SHE: variants seen among roughly 807,000 people sequenced by gnomAD.
The protein encoded by SHE is Src homology 2 domain containing E.
In SHE, 11 loss-of-function variants were observed where a neutral mutation model predicts 49.8. That is an observed-to-expected ratio of 0.22 (90% CI 0.14 to 0.37). The LOEUF is 0.37. SHE is among the 10% of genes least tolerant of loss of function. The probability of loss-of-function intolerance (pLI) is 1.00; values close to 1 mark genes in which losing one functional copy is unlikely to be tolerated. For missense variants in SHE, 624 were observed against 655.5 expected (o/e 0.95, Z 0.52); for synonymous variants, 310 against 278.1 (o/e 1.11, Z -1.14).
At chr1:154,470,370 G>T in intron 1 of SHE, 2 of 1,289,210 alleles carry the variant, frequency 1.6e-6, no homozygotes, top group Non-Finnish European at 2.0e-6. Flanking sequence ...TTTCTGTAGA[G>T]GATGGCAAGG....
downstream of SHE, among the ~76,000 whole-genome samples, chr1:154,476,124 T>C (rs956966756): frequency 2.6e-5 from 4 of 152,290 alleles, no homozygotes; most frequent in African/African-American, 7.2e-5. Flanking sequence ...GTCAGGATGA[T>C]TGCTTCAGCC....
chr1:154,475,320 G>A (rs1158083338), downstream of SHE, among the ~76,000 whole-genome samples: 19 of 152,218 alleles, frequency 1.2e-4, no homozygotes, highest in Non-Finnish European at 2.8e-4. Flanking sequence ...CTGAGTAGCT[G>A]GGATTACAGG....
chr1:154,487,659 C>T (rs953301045), intron 3 of SHE, among the ~76,000 whole-genome samples: 14 of 151,586 alleles, frequency 9.2e-5, no homozygotes, highest in Non-Finnish European at 4.4e-5. Context: ...CAAGACCCAC[C>T]TGGGCAGCAC....
intron 1 of SHE, among the ~76,000 whole-genome samples, chr1:154,471,033 A>C (rs12087526): frequency 1.1e-3 from 14 of 12,946 alleles, no homozygotes; most frequent in Middle Eastern, 0.062. Flanking sequence ...AAAAAACACA[A>C]AAAAAAAATA....
chr1:154,499,771 T>C (rs1036365978), intron 1 of SHE, among the ~76,000 whole-genome samples: 4 of 152,150 alleles, frequency 2.6e-5, no homozygotes, highest in South Asian at 2.1e-4. Context: ...ACAGGCTTCA[T>C]AGATGAGAAG....
chr1:154,470,861 T>A (rs1419652028), intron 1 of SHE, among the ~76,000 whole-genome samples: 1 of 150,518 alleles, frequency 6.6e-6, no homozygotes, highest in Non-Finnish European at 1.5e-5. Context: ...ATAAAAAAAA[T>A]TTGCCTGGCA....
chr1:154,471,251 G>T (rs1279758940), intron 1 of SHE, among the ~76,000 whole-genome samples: 1 of 152,096 alleles, frequency 6.6e-6, no homozygotes, highest in African/African-American at 2.4e-5. Context: ...CAGGCGCAGT[G>T]GCTCATTCCT....
downstream of SHE, among the ~76,000 whole-genome samples, chr1:154,477,471 C>T (rs115056579): frequency 7.0e-3 from 1,064 of 152,210 alleles, 13 homozygotes; most frequent in African/African-American, 0.024. Context: ...CTCCCAAAGC[C>T]CTGGGATTAC....
chr1:154,489,645 G>A (rs971141638), intron 2 of SHE, among the ~76,000 whole-genome samples: 3 of 152,218 alleles, frequency 2.0e-5, no homozygotes, highest in Non-Finnish European at 4.4e-5. Flanking sequence ...ACACCTCCAG[G>A]GTGCCACTTG....
At chr1:154,499,071 G>A (rs898798973) in intron 2 of SHE, 41 bp downstream of exon 2, 1 of 1,607,844 alleles carries the variant, frequency 6.2e-7, no homozygotes, top group Non-Finnish European at 8.5e-7. Flanking sequence ...CTCACTGAGT[G>A]TGAGATTTCA....
chr1:154,486,278 G>GC (rs1692179894), intron 4 of SHE, among the ~76,000 whole-genome samples: 1 of 152,188 alleles, frequency 6.6e-6, no homozygotes, highest in South Asian at 2.1e-4. Flanking sequence ...AGTTAACGGC[G>GC]CTAGTGTCAT....
intron 1 of SHE, among the ~76,000 whole-genome samples, chr1:154,472,431 C>T (rs1288906066): frequency 6.6e-6 from 1 of 152,206 alleles, no homozygotes; most frequent in African/African-American, 2.4e-5. Context: ...CTGAGCTGGG[C>T]CCCTAGAAAG....
chr1:154,501,142 G>T lies in SHE; in HGVS notation c.591+294C>A, dbSNP rs1316826500. ...TTAAAATGAACCACATCTATAAAGG[G>T]GTCAAATGTAACCAAACAGGAATAT... is the stretch of plus-strand genomic sequence containing the variant. On this transcript the variant is annotated intron_variant, in intron 1 of 5. Coordinates refer to ENST00000304760, the MANE Select transcript of SHE (RefSeq NM_001010846.3). Among the ~76,000 whole-genome samples, 4 of 151,996 alleles carry T rather than the reference G, an allele frequency of 2.6e-5. No homozygotes were observed. The South Asian group carries it at 8.3e-4, about 32-fold the overall frequency.
chr1:154,491,272 G>A (rs1264110165), intron 2 of SHE, among the ~76,000 whole-genome samples: 1 of 152,114 alleles, frequency 6.6e-6, no homozygotes, highest in African/African-American at 2.4e-5. Flanking sequence ...GAACGGCATG[G>A]GAGGCTTACA....
chr1:154,486,723 G>A, intron 3 of SHE, 40 bp from the exon 4 acceptor site: 1 of 1,605,756 alleles, frequency 6.2e-7, no homozygotes, highest in Non-Finnish European at 8.5e-7. Context: ...GGCCACTGCG[G>A]TGACCCATGT....
rs932788796 is a variant in SHE, at chr1:154,481,752, A to C, written c.*2397T>G. On this transcript the variant is annotated 3_prime_UTR_variant, in exon 6 of 6. Coordinates refer to ENST00000304760, the MANE Select transcript of SHE (RefSeq NM_001010846.3). ...TAAATATTTGTTGAATGGATGCTGA[A>C]AAAACCTTTTAAAATCTTACACTAA... 2 of 964,858 alleles carry C rather than the reference A, an allele frequency of 2.1e-6. No individual in the cohort carries two copies. The highest frequency in any genetic ancestry group is 2.5e-6 in the Non-Finnish European group (2 of 811,354). 59.8% of individuals were successfully genotyped at this position (964,858 alleles called of 1,614,324 possible). A position where few individuals can be genotyped will look rare whatever the true frequency, so the allele number is the denominator to read the frequency against.
intron 2 of SHE, among the ~76,000 whole-genome samples, chr1:154,496,082 C>G (rs1303746007): frequency 6.6e-6 from 1 of 152,226 alleles, no homozygotes; most frequent in African/African-American, 2.4e-5. Flanking sequence ...AGCAGCAAAT[C>G]TTTTATTTCT....
In SHE at chr1:154,489,365, C is replaced by A. The variant is rs770380693; in HGVS notation, c.719-9G>T. 3.7e-6 allele frequency: 6 copies of A among 1,609,216 alleles called. No individual in the cohort carries two copies. The highest frequency in any genetic ancestry group is 5.1e-6 in the Non-Finnish European group (6 of 1,177,634). On this transcript the variant is annotated splice_polypyrimidine_tract_variant and intron_variant, in intron 2 of 5. Coordinates refer to ENST00000304760, the MANE Select transcript of SHE (RefSeq NM_001010846.3). ...ACCCCGTCGTCTAATTTCTGAAAAA[C>A]ACACACCATTTCTGAAAAACACACA...
In SHE at chr1:154,483,064, A is replaced by C. The variant is rs1337549657; in HGVS notation, c.*1085T>G. 1.0e-6 allele frequency: 1 copy of C among 984,950 alleles called. No homozygotes were observed. The highest frequency in any genetic ancestry group is 1.2e-6 in the Non-Finnish European group (1 of 829,604). The allele number at this position is 984,950 out of a possible 1,614,324, so 61.0% of individuals were successfully genotyped here. On this transcript the variant is annotated 3_prime_UTR_variant, in exon 6 of 6. Coordinates refer to ENST00000304760, the MANE Select transcript of SHE (RefSeq NM_001010846.3). The stretch of plus-strand genomic sequence containing the variant: ...GTTGTGGAGCTTTGCAAATTTCCAG[A>C]ATTTTAAAATTCAGAAATGAAATTT...
Sources: allele counts gnomAD v4.1 joint callset (sites outside exome capture counted in the v4.1 genomes callset), GRCh38; gene constraint gnomAD v4.1.1; transcripts MANE v1.5; gene names NCBI Gene and HGNC (gene_info 2026-07-23, HGNC 2026-07-21).